Variants in DCLK1 observed in about 807,000 individuals in gnomAD.
DCLK1 encodes doublecortin like kinase 1.
Under a neutral mutation model 86.2 loss-of-function variants are expected in DCLK1, and 16 were observed. The observed-to-expected ratio is 0.19, with a 90% CI of 0.13 to 0.28. DCLK1 has a LOEUF of 0.28. Among genes scored for constraint, DCLK1 ranks in the 10% least tolerant of loss-of-function variants. DCLK1 has a pLI of 1.00. For missense variants in DCLK1, 590 were observed against 940.2 expected (o/e 0.63, Z 4.87); for synonymous variants, 369 against 370.5 (o/e 1.00, Z 0.05).
chr13:36,078,205 A>T (rs1293867645), intron 3 of DCLK1, among the ~76,000 whole-genome samples: 1 of 152,204 alleles, frequency 6.6e-6, no homozygotes, highest in Non-Finnish European at 1.5e-5. Context: ...CTGAATAAGA[A>T]CTGAATCTGC....
chr13:35,784,657 T>G (rs891213010), intron 16 of DCLK1, among the ~76,000 whole-genome samples: 1 of 152,210 alleles, frequency 6.6e-6, no homozygotes, highest in Non-Finnish European at 1.5e-5. Context: ...TGTGTTAAAC[T>G]GAATCCCCCA....
chr13:36,013,540 G>GGGGGTCA (rs1195429384), intron 3 of DCLK1, among the ~76,000 whole-genome samples: 1 of 152,028 alleles, frequency 6.6e-6, no homozygotes, highest in Non-Finnish European at 1.5e-5. Flanking sequence ...TAGGCTGCTC[G>GGGGGTCA]GGGGTCAGGG....
At chr13:36,068,561 A>G (rs921876512) in intron 3 of DCLK1, among the ~76,000 whole-genome samples, 1 of 89,178 alleles carries the variant, frequency 1.1e-5, no homozygotes, top group Admixed American at 1.3e-4. Context: ...GATAGAGAAC[A>G]GTCTTTTTTT....
At chr13:36,042,193 G>A (rs984750523) in intron 3 of DCLK1, among the ~76,000 whole-genome samples, 1 of 152,136 alleles carries the variant, frequency 6.6e-6, no homozygotes, top group Non-Finnish European at 1.5e-5. Context: ...CCTGATTGAG[G>A]ACAATTTGTG....
intron 2 of DCLK1, among the ~76,000 whole-genome samples, chr13:36,120,121 CAT>C (rs2138207244): frequency 6.6e-6 from 1 of 152,144 alleles, no homozygotes; most frequent in African/African-American, 2.4e-5. Context: ...TAAGTGAAAA[CAT>C]AAACATACCA....
At chr13:36,056,618 T>TAAAA (rs71196600) in intron 3 of DCLK1, among the ~76,000 whole-genome samples, 1 of 109,792 alleles carries the variant, frequency 9.1e-6, no homozygotes, top group African/African-American at 3.6e-5. Flanking sequence ...AAGTATAATT[T>TAAAA]AAAAAAAAAA....
At chr13:35,914,362 T>C (rs1406463219) in intron 4 of DCLK1, among the ~76,000 whole-genome samples, 1 of 6,656 alleles carries the variant, frequency 1.5e-4, no homozygotes, top group Admixed American at 3.6e-3. Context: ...TATATATATA[T>C]ATATATGTAT....
intron 3 of DCLK1, among the ~76,000 whole-genome samples, chr13:36,023,667 C>A (rs984445500): frequency 2.0e-5 from 3 of 152,088 alleles, no homozygotes; most frequent in African/African-American, 7.2e-5. Context: ...AGGAAAAAAA[C>A]CCACTTGAGC....
chr13:35,784,781 A>G (rs1053484072), intron 16 of DCLK1, among the ~76,000 whole-genome samples: 2 of 152,088 alleles, frequency 1.3e-5, no homozygotes, highest in Non-Finnish European at 2.9e-5. Context: ...CAAAGCCAGG[A>G]CAACTAGCCA....
intron 4 of DCLK1, among the ~76,000 whole-genome samples, chr13:35,943,201 T>A (rs559425953): frequency 6.6e-6 from 1 of 152,208 alleles, no homozygotes; most frequent in Non-Finnish European, 1.5e-5. Flanking sequence ...GAAGGTTACA[T>A]GAAGATGGAG....
intron 8 of DCLK1, among the ~76,000 whole-genome samples, chr13:35,831,854 CA>C (rs914173416): frequency 6.6e-6 from 1 of 152,158 alleles, no homozygotes; most frequent in African/African-American, 2.4e-5. Context: ...TCAAATTTTA[CA>C]AACTTTAATT....
At chr13:35,873,915 T>C (rs1256996853) in intron 4 of DCLK1, among the ~76,000 whole-genome samples, 4 of 152,228 alleles carry the variant, frequency 2.6e-5, no homozygotes, top group Admixed American at 6.5e-5. Flanking sequence ...CTTTCTCTTA[T>C]TGGTTTGTAA....
At chr13:35,958,195 C>CTACTGTAACCAT (rs1878205139) in intron 3 of DCLK1, among the ~76,000 whole-genome samples, 3 of 149,984 alleles carry the variant, frequency 2.0e-5, no homozygotes, top group African/African-American at 4.9e-5. Context: ...ACCACTACCA[C>CTACTGTAACCAT]CACCACCATT....
intron 16 of DCLK1, among the ~76,000 whole-genome samples, chr13:35,779,731 C>G (rs1416363760): frequency 6.6e-6 from 1 of 152,170 alleles, no homozygotes; most frequent in African/African-American, 2.4e-5. Flanking sequence ...ACTCATCCTA[C>G]AAGCATTTAT....
intron 16 of DCLK1, among the ~76,000 whole-genome samples, chr13:35,779,400 A>G (rs1481701099): frequency 6.6e-6 from 1 of 152,200 alleles, no homozygotes; most frequent in Non-Finnish European, 1.5e-5. Context: ...CTGACCTTCT[A>G]TTATTTTTCT....
At chr13:35,918,659 G>A (rs1875577285) in intron 4 of DCLK1, among the ~76,000 whole-genome samples, 1 of 152,062 alleles carries the variant, frequency 6.6e-6, no homozygotes, top group Admixed American at 6.6e-5. Flanking sequence ...TGAAGACAGA[G>A]CAGTGAACCC....
intron 3 of DCLK1, among the ~76,000 whole-genome samples, chr13:35,982,918 C>G (rs576267482): frequency 5.3e-5 from 8 of 152,056 alleles, no homozygotes; most frequent in Non-Finnish European, 8.8e-5. Context: ...CCCGCCACCA[C>G]ACCTGGCTAA....
At chr13:35,787,537 C>T (rs779022505) in intron 16 of DCLK1, among the ~76,000 whole-genome samples, 3 of 152,080 alleles carry the variant, frequency 2.0e-5, no homozygotes, top group Non-Finnish European at 2.9e-5. Flanking sequence ...CTCCCATAAT[C>T]CCTTTTGCTT....
chr13:35,976,525 G>GTTTTTTTTTTTTTTTTT lies in DCLK1; in HGVS notation c.724-29085_724-29069dup, dbSNP rs11294824. ...CTCCCAGCACTTCAGCTTCTCCGAG[G>GTTTTTTTTTTTTTTTTT]TTTTTTTTTTTTTTTTTTTTTTTGA... On this transcript the variant is annotated intron_variant, in intron 3 of 16. Coordinates refer to ENST00000360631, the MANE Select transcript of DCLK1 (RefSeq NM_001330071.2). Among the ~76,000 whole-genome samples the GTTTTTTTTTTTTTTTTT allele has an allele frequency of 3.9e-4, 22 of 56,368 alleles. 3 individuals carry two copies. The highest frequency in any genetic ancestry group is 6.0e-4 in the Non-Finnish European group (18 of 29,994). 37.0% of individuals were successfully genotyped at this position (56,368 alleles called of 152,430 possible). A position where few individuals can be genotyped will look rare whatever the true frequency, so the allele number is the denominator to read the frequency against.
Sources: allele counts gnomAD v4.1 joint callset (sites outside exome capture counted in the v4.1 genomes callset), GRCh38; gene constraint gnomAD v4.1.1; transcripts MANE v1.5; gene names NCBI Gene and HGNC (gene_info 2026-07-23, HGNC 2026-07-21).